The following FAM234B variants were observed in gnomAD, a reference collection of about 807,000 sequenced individuals.
FAM234B encodes family with sequence similarity 234 member B, also known as protein FAM234B.
In FAM234B, 33 loss-of-function variants were observed where a neutral mutation model predicts 69.3. The observed-to-expected ratio is 0.48, with a 90% CI of 0.36 to 0.64. The LOEUF (loss-of-function observed/expected upper bound fraction) is 0.64, where lower values mean the gene tolerates loss of function less well. Among genes scored for constraint, FAM234B ranks in the 30% least tolerant of loss-of-function variants. FAM234B has a pLI of 0.00. For synonymous variants in FAM234B, 306 were observed against 306.9 expected (o/e 1.00, Z 0.03); for missense variants, 697 against 769.7 (o/e 0.91, Z 1.12).
chr12:13,058,427 T>C (rs1169386141), intron 2 of FAM234B, 24 bp from the exon 3 acceptor site: 1 of 1,603,926 alleles, frequency 6.2e-7, no homozygotes, highest in Non-Finnish European at 8.5e-7. Flanking sequence ...TCAGGACCTT[T>C]TTGGTTTTTT....
Position 13,061,570 on chromosome 12 carries a change from T to C in FAM234B, c.533-5T>C. On this transcript the variant is annotated splice_region_variant and splice_polypyrimidine_tract_variant and intron_variant, in intron 3 of 12. Coordinates refer to ENST00000197268, the MANE Select transcript of FAM234B (RefSeq NM_020853.2). ...CCTTTTTTTATCTCTCTTGTGTGCTTTTAGGTGTCTCAAGACCAGCTGCTA... is the reference window on the plus strand; with the variant it reads ...CCTTTTTTTATCTCTCTTGTGTGCTCTTAGGTGTCTCAAGACCAGCTGCTA... 1 of 1,608,854 alleles carries C rather than the reference T, an allele frequency of 6.2e-7. No homozygotes were observed. The highest frequency in any genetic ancestry group is 1.1e-5 in the South Asian group (1 of 90,592).
At position 13,083,252 on chromosome 12, in the gene FAM234B, T is replaced by C. The variant is rs1398852531; in HGVS notation, c.*2622T>C. 1 of 152,558 alleles carries C rather than the reference T, an allele frequency of 6.6e-6. No individual in the cohort carries two copies. Among genetic ancestry groups the C allele is most frequent in the Non-Finnish European group, 1.5e-5 (1 of 68,034 alleles). 9.5% of individuals were successfully genotyped at this position (152,558 alleles called of 1,614,324 possible). On this transcript the variant is annotated 3_prime_UTR_variant, in exon 13 of 13. Transcript: ENST00000197268. ...CAAATGCAAGGGTCTTACCCTCCTC[T>C]TTCCCTTAAACACCCTCCCTTTTCC...
chr12:13,055,586 C>T lies in FAM234B; in HGVS notation c.73C>T (p.Leu25Phe). ...KSPDLGEYDPLTQADSDESED... is the reference protein window; with the variant it reads ...KSPDLGEYDPFTQADSDESED... ...CCCAGACCTAGGGGAGTATGATCCA[C>T]TTACCCAGGCTGACAGTGATGAGAG... Residue 25 changes from leucine to phenylalanine, a missense_variant, in exon 2 of 13, where the codon CTT (leucine) becomes TTT (phenylalanine). Coordinates refer to ENST00000197268, the MANE Select transcript of FAM234B (RefSeq NM_020853.2). 6.2e-7 allele frequency: 1 copy of T among 1,611,642 alleles called. No individual in the cohort carries two copies. The highest frequency in any genetic ancestry group is 8.5e-7 in the Non-Finnish European group (1 of 1,177,866).
intron 9 of FAM234B, 57 bp downstream of exon 9, chr12:13,068,768 C>A (rs745479020): frequency 3.7e-5 from 43 of 1,172,888 alleles, no homozygotes; most frequent in Non-Finnish European, 5.4e-5. Context: ...ACTTTGTGTC[C>A]AACCCTGTGT....
chr12:13,057,920 C>T (rs1002250191), intron 2 of FAM234B, among the ~76,000 whole-genome samples: 1 of 152,194 alleles, frequency 6.6e-6, no homozygotes, highest in African/African-American at 2.4e-5. Context: ...TTGTTACATC[C>T]AGGAGAGGGT....
Position 13,058,545 on chromosome 12 carries a change from A to G in FAM234B, c.528A>G (p.Ala176=), listed in dbSNP as rs764206226. 3.1e-6 allele frequency: 5 copies of G among 1,606,300 alleles called. No individual in the cohort carries two copies. The East Asian group carries it at 1.1e-4, about 36-fold the overall frequency. ...LSFVMSRNGS[A]VGVSRPAANL... is the part of the protein sequence containing the mutation. ...TTGTGATGTCAAGGAACGGGAGTGCAGTAGGTAAGAGACGTGTTTTTTTCA... is the reference window on the plus strand; with the variant it reads ...TTGTGATGTCAAGGAACGGGAGTGCGGTAGGTAAGAGACGTGTTTTTTTCA... The change falls in exon 3 of 13, where the codon GCA becomes GCG. Residue 176 remains alanine (A), a synonymous_variant. Coordinates refer to ENST00000197268, the MANE Select transcript of FAM234B (RefSeq NM_020853.2).
At chr12:13,046,952 A>G (rs921959371) in intron 1 of FAM234B, among the ~76,000 whole-genome samples, 1 of 151,878 alleles carries the variant, frequency 6.6e-6, no homozygotes, top group Non-Finnish European at 1.5e-5. Context: ...CTACATATTT[A>G]CCTCCTAGGG....
chr12:13,067,417 A>G lies in FAM234B; in HGVS notation c.1142+121A>G, dbSNP rs921871617. 2 of 1,012,422 alleles carry G rather than the reference A, an allele frequency of 2.0e-6. No homozygotes were observed. Among genetic ancestry groups the G allele is most frequent in the Non-Finnish European group, 2.9e-6 (2 of 679,288 alleles). The allele number at this position is 1,012,422 out of a possible 1,614,324, so 62.7% of individuals were successfully genotyped here. A position where few individuals can be genotyped will look rare whatever the true frequency, so the allele number is the denominator to read the frequency against. On this transcript the variant is annotated intron_variant, in intron 7 of 12. Coordinates refer to ENST00000197268, the MANE Select transcript of FAM234B (RefSeq NM_020853.2). This position sits in a 1 kb window ranked among gnomAD's most constrained non-coding sequence, Gnocchi z 4.7. ...TAGAGGTTTAGGGGAAACAGTGCTTATCTTAATTTACCATCTTCTGATCTG... is the reference window on the plus strand; with the variant it reads ...TAGAGGTTTAGGGGAAACAGTGCTTGTCTTAATTTACCATCTTCTGATCTG...
At chr12:13,059,801 T>G (rs541802264) in intron 3 of FAM234B, among the ~76,000 whole-genome samples, 3 of 152,316 alleles carry the variant, frequency 2.0e-5, no homozygotes, top group African/African-American at 4.8e-5. Flanking sequence ...CAAAACTTGA[T>G]TACACTTTTC....
At position 13,071,303 on chromosome 12, in the gene FAM234B, G is replaced by A. The variant is rs1865103475; in HGVS notation, c.1431G>A (p.Met477Ile). 1.2e-6 allele frequency: 2 copies of A among 1,614,048 alleles called. No homozygotes were observed. The highest frequency in any genetic ancestry group is 4.5e-5 in the East Asian group (2 of 44,888). Residue 477 changes from methionine (M) to isoleucine (I), a missense_variant, in exon 10 of 13, where the codon ATG becomes ATA. By Grantham distance (10) the Met-to-Ile change is conservative. Around this residue, in one of 3 missense-constraint regions of FAM234B, gnomAD observed 313 missense variants for 305.5 expected, o/e 1.02. Transcript: ENST00000197268. ...GGAGTTACCGTGCTCCGTGTCACAT[G>A]AAAGAAACGCCAGCCACCTCAGCAG... ...IVWSYRAPCH[M>I]KETPATSAVT...
Position 13,067,900 on chromosome 12 carries a change from G to A in FAM234B, c.1143-404G>A, listed in dbSNP as rs1474481680. ...GGTATGAAGTAGAATGGTCCCAGTGGCACTGAGCAAGAACTAATTCAGTGA... is the reference window on the plus strand; with the variant it reads ...GGTATGAAGTAGAATGGTCCCAGTGACACTGAGCAAGAACTAATTCAGTGA... On this transcript the variant is annotated intron_variant, in intron 7 of 12. Transcript: ENST00000197268. The surrounding 1 kb of genome is among the most constrained non-coding windows in gnomAD (Gnocchi z 4.7). Among the ~76,000 whole-genome samples, 1 of 152,166 alleles carries A rather than the reference G, an allele frequency of 6.6e-6. No homozygotes were observed. The highest frequency in any genetic ancestry group is 1.5e-5 in the Non-Finnish European group (1 of 68,028).
chr12:13,071,008 G>T (rs1161923035), intron 9 of FAM234B, among the ~76,000 whole-genome samples: 1 of 152,212 alleles, frequency 6.6e-6, no homozygotes, highest in Non-Finnish European at 1.5e-5. Flanking sequence ...TCCCACTTGA[G>T]AACTTTGCAG....
At chr12:13,071,980 T>C (rs1296343115) in intron 10 of FAM234B, among the ~76,000 whole-genome samples, 1 of 152,240 alleles carries the variant, frequency 6.6e-6, no homozygotes, top group African/African-American at 2.4e-5. Flanking sequence ...GGCAGGGTGC[T>C]ACCTGTTTTA....
intron 10 of FAM234B, among the ~76,000 whole-genome samples, chr12:13,073,873 G>T (rs192796474): frequency 1.1e-3 from 172 of 152,230 alleles, no homozygotes; most frequent in Non-Finnish European, 1.9e-3. Flanking sequence ...TGCCATTGTG[G>T]GTTTAATCTC....
intron 5 of FAM234B, 112 bp from the exon 6 acceptor site, chr12:13,066,528 G>T: frequency 8.5e-7 from 1 of 1,175,276 alleles, no homozygotes; most frequent in Non-Finnish European, 1.2e-6. Context: ...CAACTTGGGG[G>T]AGTGTTTCTG....
intron 10 of FAM234B, among the ~76,000 whole-genome samples, chr12:13,073,210 G>T (rs760800282): frequency 6.6e-6 from 1 of 151,312 alleles, no homozygotes; most frequent in Non-Finnish European, 1.5e-5. Flanking sequence ...GCCCAGGCAG[G>T]CCTCGAACTC....
intron 6 of FAM234B, 158 bp from the exon 7 acceptor site, chr12:13,066,997 C>T: frequency 1.0e-6 from 1 of 954,124 alleles, no homozygotes; most frequent in Non-Finnish European, 1.6e-6. Flanking sequence ...TCTTGTCCAG[C>T]ACCCACTTAA....
In FAM234B at chr12:13,055,660, T is replaced by C. The variant is rs752506116; in HGVS notation, c.147T>C (p.Asn49=). The C allele has an allele frequency of 8.7e-6, 14 of 1,614,034 alleles. No homozygotes were observed. The highest frequency in any genetic ancestry group is 2.7e-5 in the African/African-American group (2 of 74,918). The stretch of plus-strand genomic sequence containing the variant: ...TGCAGAAGAATGGAGGGGTCAAAAA[T>C]GGGAAGAGTCCTTTGGGAGAAGCGC... ...LNLQKNGGVK[N]GKSPLGEAPE... The change falls in exon 2 of 13, where the codon AAT becomes AAC. Residue 49 remains asparagine, a synonymous_variant. Coordinates refer to ENST00000197268, the MANE Select transcript of FAM234B (RefSeq NM_020853.2).
At chr12:13,076,271 T>G in intron 11 of FAM234B, 128 bp downstream of exon 11, 1 of 702,428 alleles carries the variant, frequency 1.4e-6, no homozygotes, top group Non-Finnish European at 2.5e-6. Context: ...CAGGGCACTT[T>G]CCCTGGTGTC....
Sources: allele counts gnomAD v4.1 joint callset (sites outside exome capture counted in the v4.1 genomes callset), GRCh38; gene constraint gnomAD v4.1.1; regional missense constraint gnomAD v4.1.1; non-coding constraint Gnocchi (gnomAD v3.1); transcripts MANE v1.5; gene names NCBI Gene and HGNC (gene_info 2026-07-23, HGNC 2026-07-21).